GRM7: variants seen among roughly 807,000 people sequenced by gnomAD.
The protein encoded by GRM7 is glutamate metabotropic receptor 7.
In GRM7, 35 loss-of-function variants were observed where a neutral mutation model predicts 84.5. The observed-to-expected ratio is 0.41, with a 90% confidence interval of 0.32 to 0.55. The LOEUF is 0.55. Ranked by LOEUF, GRM7 falls within the 20% of genes least tolerant of loss-of-function variation. GRM7 has a pLI of 0.19. For synonymous variants in GRM7, 487 were observed against 455.1 expected (o/e 1.07, Z -0.89); for missense variants, 1,003 against 1,194.6 (o/e 0.84, Z 2.36).
chr3:7,397,329 T>C, intron 4 of GRM7, among the ~76,000 whole-genome samples: 1 of 152,118 alleles, frequency 6.6e-6, no homozygotes, highest in East Asian at 1.9e-4. Flanking sequence ...TAGAAGAAAG[T>C]TCTGTAATTC....
intron 8 of GRM7, among the ~76,000 whole-genome samples, chr3:7,644,040 T>C (rs1416235204): frequency 2.6e-5 from 2 of 77,094 alleles, no homozygotes. Flanking sequence ...ACACACCATA[T>C]ATAAAATATG....
intron 2 of GRM7, among the ~76,000 whole-genome samples, chr3:7,205,594 T>G (rs5006077): frequency 0.013 from 1,926 of 152,346 alleles, 37 homozygotes; most frequent in African/African-American, 0.042. Flanking sequence ...TTTCAATGTT[T>G]CTCTGAGATG....
intron 2 of GRM7, among the ~76,000 whole-genome samples, chr3:7,256,365 T>C (rs1698198480): frequency 6.6e-6 from 1 of 152,166 alleles, no homozygotes; most frequent in Admixed American, 6.6e-5. Context: ...ACTAAATAAG[T>C]GAAAGAATAA....
rs1423780186 is a variant in GRM7, at chr3:6,863,034, G to T, written c.519+1127G>T. On this transcript the variant is annotated intron_variant, in intron 1 of 9. Transcript: ENST00000357716. The surrounding 1 kb of genome is among the most constrained non-coding windows in gnomAD (Gnocchi z 4.8). The stretch of plus-strand genomic sequence containing the variant: ...TGAGTGGCTTTGGGGTTTGGAAATT[G>T]AGTTTCAGGGTCTCTGTGATTGTAG... The T allele has an allele frequency of 1.8e-5, 8 of 455,630 alleles. No individual in the cohort carries two copies. Among genetic ancestry groups the T allele is most frequent in the African/African-American group, 4.0e-5 (2 of 50,032 alleles). The allele number at this position is 455,630 out of a possible 1,614,324, so 28.2% of individuals were successfully genotyped here.
In GRM7 at chr3:6,861,858, C is replaced by T; in HGVS notation, c.470C>T (p.Ser157Leu). ...AAAGTAGTTGGAGTGATTGGGGCTT[C>T]GGGGAGTTCGGTCTCCATCATGGTA... ...PEKVVGVIGA[S>L]GSSVSIMVAN... The change falls in exon 1 of 10, where the codon TCG becomes TTG. Residue 157 changes from serine (S) to leucine (L), a missense_variant. Ser to Leu is a moderately radical substitution (Grantham distance 145, BLOSUM62 -2). Around this residue, in one of 2 missense-constraint regions of GRM7, gnomAD observed 910 missense variants for 1,126.0 expected, o/e 0.81. Transcript: ENST00000357716. The surrounding 1 kb of genome is among the most constrained non-coding windows in gnomAD (Gnocchi z 6.4). 1 of 1,613,960 alleles carries T rather than the reference C, an allele frequency of 6.2e-7. No homozygotes were observed. The highest frequency in any genetic ancestry group is 8.5e-7 in the Non-Finnish European group (1 of 1,179,950).
chr3:7,086,118 T>C (rs931877296), intron 1 of GRM7, among the ~76,000 whole-genome samples: 4 of 152,158 alleles, frequency 2.6e-5, no homozygotes, highest in African/African-American at 9.6e-5. Context: ...CCACAGACAC[T>C]AGCAGTCATT....
intron 2 of GRM7, among the ~76,000 whole-genome samples, chr3:7,152,779 T>C (rs1203405052): frequency 2.0e-5 from 3 of 152,226 alleles, no homozygotes; most frequent in Non-Finnish European, 4.4e-5. Context: ...CATTGATAAA[T>C]TAATAGAGGA....
intron 1 of GRM7, among the ~76,000 whole-genome samples, chr3:6,894,205 G>T (rs1696083115): frequency 6.6e-6 from 1 of 152,062 alleles, no homozygotes; most frequent in South Asian, 2.1e-4. Context: ...TTTCCCCCTT[G>T]TTACATTGAG....
At chr3:7,237,530 T>C (rs1322564228) in intron 2 of GRM7, among the ~76,000 whole-genome samples, 2 of 152,062 alleles carry the variant, frequency 1.3e-5, no homozygotes, top group Non-Finnish European at 2.9e-5. Context: ...AGATGGTGTG[T>C]CTGAAGTTTG....
rs771129754 is a variant in GRM7, at chr3:7,415,084, C to G, written c.1095C>G (p.Ala365=). Residue 365 remains alanine (A), a synonymous_variant, in exon 5 of 10, where the codon GCC becomes GCG. Transcript: ENST00000357716. ...ACAACAGAAGAAATGTATGGTTTGCCGAATACTGGGAGGAAAACTTCAACT... is the reference window on the plus strand; with the variant it reads ...ACAACAGAAGAAATGTATGGTTTGCGGAATACTGGGAGGAAAACTTCAACT... ...LENNRRNVWF[A]EYWEENFNCK... 6.2e-7 allele frequency: 1 copy of G among 1,612,262 alleles called. No homozygotes were observed.
At position 7,385,676 on chromosome 3, in the gene GRM7, GC is replaced by G. The variant is rs1322911666; in HGVS notation, c.1034-29346del. Reference sequence around the variant, plus strand: ...GTATAAATTAAATTATATGTACTTGGCAAAGTGGAATATAGAAAAATAAGTA... The same window carrying G: ...GTATAAATTAAATTATATGTACTTGGAAAGTGGAATATAGAAAAATAAGTA... On this transcript the variant is annotated intron_variant, in intron 4 of 9. Coordinates refer to ENST00000357716, the MANE Select transcript of GRM7 (RefSeq NM_000844.4). 2.0e-5 allele frequency among the ~76,000 whole-genome samples: 3 copies of G among 152,230 alleles called. No individual in the cohort carries two copies. In the East Asian group the frequency reaches 5.8e-4, roughly 29 times the overall value.
intron 1 of GRM7, among the ~76,000 whole-genome samples, chr3:6,865,663 T>C (rs1391356611): frequency 6.6e-6 from 1 of 152,158 alleles, no homozygotes; most frequent in African/African-American, 2.4e-5. Context: ...TGAAATGCTT[T>C]AGTAAATGTG....
chr3:7,664,686 AT>A (rs1291129963), intron 8 of GRM7, among the ~76,000 whole-genome samples: 1 of 152,064 alleles, frequency 6.6e-6, no homozygotes, highest in African/African-American at 2.4e-5. Flanking sequence ...TTTTTATTCC[AT>A]CTTATATGTA....
At chr3:7,573,729 A>AG (rs1222684679) in intron 7 of GRM7, among the ~76,000 whole-genome samples, 1 of 152,156 alleles carries the variant, frequency 6.6e-6, no homozygotes, top group Non-Finnish European at 1.5e-5. Context: ...GAAGCAATGG[A>AG]GTCAAAGCTG....
At chr3:7,563,447 A>C (rs1694117340) in intron 7 of GRM7, among the ~76,000 whole-genome samples, 1 of 152,156 alleles carries the variant, frequency 6.6e-6, no homozygotes, top group South Asian at 2.1e-4. Context: ...CCTACTTTTC[A>C]AAGTGTAAGT....
In GRM7 at chr3:6,946,161, T is replaced by C. The variant is rs1205947616; in HGVS notation, c.519+84254T>C. Among the ~76,000 whole-genome samples, 3 of 152,244 alleles carry C rather than the reference T, an allele frequency of 2.0e-5. No homozygotes were observed. The East Asian group carries it at 5.8e-4, about 29-fold the overall frequency. On this transcript the variant is annotated intron_variant, in intron 1 of 9. Coordinates refer to ENST00000357716, the MANE Select transcript of GRM7 (RefSeq NM_000844.4). ...TGCCTATGTCCTGAATCATATTGCC[T>C]AGCTTTCCTTCTAGGGTTTTTATGG...
intron 2 of GRM7, among the ~76,000 whole-genome samples, chr3:7,216,765 G>A (rs983994109): frequency 6.7e-6 from 1 of 149,904 alleles, no homozygotes; most frequent in Non-Finnish European, 1.5e-5. Flanking sequence ...GTTTGTTTTT[G>A]TTTGTTTGTT....
intron 2 of GRM7, among the ~76,000 whole-genome samples, chr3:7,213,162 C>G (rs1347334698): frequency 6.6e-6 from 1 of 152,078 alleles, no homozygotes; most frequent in Non-Finnish European, 1.5e-5. Context: ...CTTTAGATAC[C>G]AACTTAACCA....
chr3:7,577,331 C>A (rs58753906), intron 7 of GRM7, among the ~76,000 whole-genome samples: 34,356 of 152,114 alleles, frequency 0.23, 4,762 homozygotes, highest in Non-Finnish European at 0.29. Context: ...TCTATTGTAA[C>A]AAGTCCATAT....
Sources: allele counts gnomAD v4.1 joint callset (sites outside exome capture counted in the v4.1 genomes callset), GRCh38; gene constraint gnomAD v4.1.1; regional missense constraint gnomAD v4.1.1; non-coding constraint Gnocchi (gnomAD v3.1); transcripts MANE v1.5; gene names NCBI Gene and HGNC (gene_info 2026-07-23, HGNC 2026-07-21).